FAM184B: variants seen among roughly 807,000 people sequenced by gnomAD.
The protein encoded by FAM184B is protein FAM184B.
In FAM184B, 111 loss-of-function variants were observed where a neutral mutation model predicts 135.9. That is an observed-to-expected ratio of 0.82 (90% CI 0.70 to 0.96). The LOEUF is 0.96. Ranked by LOEUF, FAM184B falls within the 40% of genes least tolerant of loss-of-function variation. The pLI is 0.00. For synonymous variants in FAM184B, 552 were observed against 524.8 expected (o/e 1.05, Z -0.71); for missense variants, 1,375 against 1,323.9 (o/e 1.04, Z -0.60).
intron 1 of FAM184B, among the ~76,000 whole-genome samples, chr4:17,724,343 G>T (rs998851780): frequency 1.3e-5 from 2 of 152,064 alleles, no homozygotes; most frequent in Non-Finnish European, 2.9e-5. Flanking sequence ...AAGGCTAAAG[G>T]TATACCATCA....
intron 1 of FAM184B, among the ~76,000 whole-genome samples, chr4:17,712,889 T>C (rs182623324): frequency 7.9e-5 from 12 of 152,290 alleles, no homozygotes; most frequent in Admixed American, 6.5e-4. Context: ...TGTGCATGTG[T>C]GCATTCATTA....
chr4:17,639,406 A>G lies in FAM184B; in HGVS notation c.2520-10T>C. On this transcript the variant is annotated splice_polypyrimidine_tract_variant and intron_variant, in intron 13 of 17. Coordinates refer to ENST00000265018, the MANE Select transcript of FAM184B (RefSeq NM_015688.2). ...AGTCTCCTCCAGGAACCTGTGGTGG[A>G]TGAAAGCACAGCCAGGCTTGCCCAG... The G allele has an allele frequency of 1.9e-6, 3 of 1,551,250 alleles. No individual in the cohort carries two copies. The highest frequency in any genetic ancestry group is 2.6e-6 in the Non-Finnish European group (3 of 1,146,910).
rs542972135 is a variant in FAM184B at position 17,668,329 on chromosome 4, T to C, written c.1597-3670A>G. ...TTCCTAAATTTAATCTCATATCCTA[T>C]ATCATTCTTAGTAGCTTGTTTCTGT... On this transcript the variant is annotated intron_variant, in intron 7 of 17. Coordinates refer to ENST00000265018, the MANE Select transcript of FAM184B (RefSeq NM_015688.2). Among the ~76,000 whole-genome samples the C allele has an allele frequency of 6.6e-5, 10 of 152,322 alleles. No individual in the cohort carries two copies. The East Asian group carries it at 1.9e-3, about 29-fold the overall frequency.
intron 11 of FAM184B, among the ~76,000 whole-genome samples, chr4:17,649,292 G>A (rs190232602): frequency 1.3e-5 from 2 of 152,240 alleles, no homozygotes; most frequent in East Asian, 1.9e-4. Flanking sequence ...ATGATATTAA[G>A]ATGAAAAATT....
chr4:17,647,870 G>T lies in FAM184B; in HGVS notation c.2192-79C>A. On this transcript the variant is annotated intron_variant, in intron 11 of 17. Transcript: ENST00000265018. ...TGTCATGGGGACAACAGTCTCTGGG[G>T]TGGGGTTGGATGACGTGGGTGGCTG... The T allele has an allele frequency of 2.7e-6, 4 of 1,456,428 alleles. No individual in the cohort carries two copies. The South Asian group carries it at 4.0e-5, about 14-fold the overall frequency. The allele number at this position is 1,456,428 out of a possible 1,614,324, so 90.2% of individuals were successfully genotyped here.
intron 5 of FAM184B, among the ~76,000 whole-genome samples, chr4:17,700,251 G>A (rs1007220459): frequency 6.6e-6 from 1 of 152,122 alleles, no homozygotes; most frequent in Non-Finnish European, 1.5e-5. Flanking sequence ...TTGTCAATCT[G>A]TATAAAAAAG....
Position 17,633,769 on chromosome 4 carries a change from T to C in FAM184B, c.3009A>G (p.Thr1003=), listed in dbSNP as rs1715036655. 6.4e-7 allele frequency: 1 copy of C among 1,551,536 alleles called. No individual in the cohort carries two copies. Among genetic ancestry groups the C allele is most frequent in the Non-Finnish European group, 8.7e-7 (1 of 1,146,942 alleles). Residue 1003 remains threonine (T), a synonymous_variant, in exon 17 of 18, where the codon ACA becomes ACG. Transcript: ENST00000265018. The stretch of plus-strand genomic sequence containing the variant: ...TGGGGCTTGGGTCCAAGCTGGGTGA[T>C]GTAGTTATTGGAGGGGCATTAATCC... The part of the protein sequence containing the change: ...SSRINAPPIT[T]SPSLDPSPSC...
chr4:17,642,279 A>G, intron 12 of FAM184B, 51 bp from the exon 13 acceptor site: 1 of 1,422,830 alleles, frequency 7.0e-7, no homozygotes, highest in Non-Finnish European at 9.1e-7. Context: ...GGGGCAGACA[A>G]GGCAGAAAGG....
intron 1 of FAM184B, among the ~76,000 whole-genome samples, chr4:17,768,633 T>C (rs1465927290): frequency 1.3e-5 from 2 of 152,118 alleles, no homozygotes; most frequent in African/African-American, 2.4e-5. Flanking sequence ...TTTTCTTTTA[T>C]GGTTTTCAGT....
chr4:17,780,542 C>G (rs1719013049), intron 1 of FAM184B, among the ~76,000 whole-genome samples: 1 of 152,022 alleles, frequency 6.6e-6, no homozygotes, highest in Non-Finnish European at 1.5e-5. Flanking sequence ...TCAATCAGAG[C>G]CCCCTGCACG....
chr4:17,711,234 C>T (rs987396687), intron 1 of FAM184B, among the ~76,000 whole-genome samples: 1 of 151,884 alleles, frequency 6.6e-6, no homozygotes, highest in African/African-American at 2.4e-5. Context: ...GTAATCCCAG[C>T]ACTTTGGAGG....
chr4:17,693,170 G>T (rs187547694), intron 6 of FAM184B, 132 bp downstream of exon 6: 4 of 606,186 alleles, frequency 6.6e-6, no homozygotes, highest in Non-Finnish European at 8.6e-6. Flanking sequence ...CTAAATGCAC[G>T]CCCCCCGAGA....
intron 1 of FAM184B, among the ~76,000 whole-genome samples, chr4:17,778,934 T>A (rs1414116404): frequency 6.6e-6 from 1 of 152,158 alleles, no homozygotes; most frequent in Non-Finnish European, 1.5e-5. Flanking sequence ...GGCTGTTAAA[T>A]GAGTAAAATA....
chr4:17,723,953 G>A (rs1486436596), intron 1 of FAM184B, among the ~76,000 whole-genome samples: 1 of 151,958 alleles, frequency 6.6e-6, no homozygotes. Flanking sequence ...TCACATCCGG[G>A]GCAGCAAGAC....
Position 17,676,919 on chromosome 4 carries a change from C to G in FAM184B, c.1596+11505G>C, listed in dbSNP as rs540838098. ...CAATCTAGGTTTGTGTAAGTACACTCTATAATGTTCTCACAATGACAAAAT... is the reference window on the plus strand; with the variant it reads ...CAATCTAGGTTTGTGTAAGTACACTGTATAATGTTCTCACAATGACAAAAT... On this transcript the variant is annotated intron_variant, in intron 7 of 17. Coordinates refer to ENST00000265018, the MANE Select transcript of FAM184B (RefSeq NM_015688.2). 2.0e-5 allele frequency among the ~76,000 whole-genome samples: 3 copies of G among 152,292 alleles called. No individual in the cohort carries two copies. In the South Asian group the frequency reaches 6.2e-4, roughly 32 times the overall value.
Position 17,635,090 on chromosome 4 carries a change from T to C in FAM184B, c.2808A>G (p.Ala936=). The change falls in exon 16 of 18, where the codon GCA becomes GCG. Residue 936 remains alanine, a synonymous_variant. Coordinates refer to ENST00000265018, the MANE Select transcript of FAM184B (RefSeq NM_015688.2). ...GGTGGGACATGGCACTGGGGAATGC[T>C]GCGTAGTGAAATCTTCTCTCTTCCT... ...QLTEERRFHY[A]AFPSAMSHRN... The C allele has an allele frequency of 6.4e-7, 1 of 1,551,672 alleles. No homozygotes were observed.
At chr4:17,711,393 G>A (rs762226207) in intron 1 of FAM184B, among the ~76,000 whole-genome samples, 9 of 152,174 alleles carry the variant, frequency 5.9e-5, no homozygotes, top group Middle Eastern at 3.4e-3. Flanking sequence ...GAGGAGAATC[G>A]CTTGAACCTG....
chr4:17,630,364 T>C lies in FAM184B; in HGVS notation c.*2168A>G, dbSNP rs1714888330. 6.6e-6 allele frequency: 1 copy of C among 152,136 alleles called. No individual in the cohort carries two copies. Among genetic ancestry groups the C allele is most frequent in the Non-Finnish European group, 1.5e-5 (1 of 68,036 alleles). The allele number at this position is 152,136 out of a possible 1,614,324, so 9.4% of individuals were successfully genotyped here. ...TGGGAAGCAATGGAGTCATGAGGGC[T>C]TCACCCTCATGAGTAGGATAAGTAC... On this transcript the variant is annotated 3_prime_UTR_variant, in exon 18 of 18. Transcript: ENST00000265018.
chr4:17,739,555 G>GTTTTT (rs397992408), intron 1 of FAM184B, among the ~76,000 whole-genome samples: 1 of 62,510 alleles, frequency 1.6e-5, no homozygotes, highest in Non-Finnish European at 2.7e-5. Context: ...CATACCAACT[G>GTTTTT]TTTTTTTTTT....
Sources: gnomAD v4.1 joint callset for allele counts (sites outside exome capture counted in the v4.1 genomes callset) on GRCh38, gnomAD v4.1.1 for gene constraint, MANE v1.5 for transcripts, NCBI Gene and HGNC (gene_info 2026-07-23, HGNC 2026-07-21) for gene names.